Variants in ANKS4B observed in about 807,000 individuals in gnomAD.
The protein encoded by ANKS4B is ankyrin repeat and SAM domain-containing protein 4B.
A neutral mutation model predicts 20.2 loss-of-function variants in ANKS4B; 21 were observed. That is an observed-to-expected ratio of 1.04 (90% CI 0.74 to 1.50). ANKS4B has a LOEUF of 1.50. Ranked by LOEUF, ANKS4B falls within the 40% of genes most tolerant of loss-of-function variation. The probability of loss-of-function intolerance (pLI) is 0.00; values close to 1 mark genes in which losing one functional copy is unlikely to be tolerated. For synonymous variants in ANKS4B, 179 were observed against 194.5 expected (o/e 0.92, Z 0.66); for missense variants, 473 against 494.6 (o/e 0.96, Z 0.41).
At chr16:21,249,536 T>C (rs1347082507) in intron 1 of ANKS4B, among the ~76,000 whole-genome samples, 195 bp from the exon 2 acceptor site, 2 of 152,174 alleles carry the variant, frequency 1.3e-5, no homozygotes, top group Non-Finnish European at 2.9e-5. Context: ...GCTCTGTTTC[T>C]GGCCATGTGG....
Position 21,233,832 on chromosome 16 carries a change from G to T in ANKS4B, c.95G>T (p.Gly32Val). 3.7e-6 allele frequency: 6 copies of T among 1,613,938 alleles called. No individual in the cohort carries two copies. The highest frequency in any genetic ancestry group is 5.1e-6 in the Non-Finnish European group (6 of 1,179,910). ...GATCTAAATCTTTCGGATGAAGACG[G>T]CATGACTCCTACTCTCTTGGCAGCC... ...KRDLNLSDED[G>V]MTPTLLAAYH... is the part of the protein sequence containing the mutation. The change falls in exon 1 of 2, where the codon GGC becomes GTC. Residue 32 changes from glycine to valine, a missense_variant. Transcript: ENST00000311620.
intron 1 of ANKS4B, among the ~76,000 whole-genome samples, chr16:21,236,707 A>G (rs955792878): frequency 6.6e-6 from 1 of 151,874 alleles, no homozygotes; most frequent in African/African-American, 2.4e-5. Context: ...CACAGCACTC[A>G]GCCTGGTTCT....
intron 1 of ANKS4B, among the ~76,000 whole-genome samples, chr16:21,239,550 C>T (rs553271485): frequency 6.6e-6 from 1 of 152,324 alleles, no homozygotes; most frequent in East Asian, 1.9e-4. Flanking sequence ...CACTGCACTC[C>T]AGCCTGGGGA....
chr16:21,252,696 G>A lies in ANKS4B; in HGVS notation c.*1876G>A, dbSNP rs1384820776. On this transcript the variant is annotated 3_prime_UTR_variant, in exon 2 of 2. Transcript: ENST00000311620. ...ACACATGGTTTATTTACTGTTGTCT[G>A]TCACCATTGCCGCATATCTGAATAT... is the stretch of plus-strand genomic sequence containing the variant. 1 of 152,192 alleles carries A rather than the reference G, an allele frequency of 6.6e-6. No individual in the cohort carries two copies. Among genetic ancestry groups the A allele is most frequent in the East Asian group, 1.9e-4 (1 of 5,202 alleles). 9.4% of individuals were successfully genotyped at this position (152,192 alleles called of 1,614,324 possible). A position where few individuals can be genotyped will look rare whatever the true frequency, so the allele number is the denominator to read the frequency against.
At position 21,252,395 on chromosome 16, in the gene ANKS4B, G is replaced by C. The variant is rs1347767244; in HGVS notation, c.*1575G>C. 6.6e-6 allele frequency: 1 copy of C among 152,404 alleles called. No individual in the cohort carries two copies. The highest frequency in any genetic ancestry group is 1.9e-4 in the East Asian group (1 of 5,190). 9.4% of individuals were successfully genotyped at this position (152,404 alleles called of 1,614,324 possible). On this transcript the variant is annotated 3_prime_UTR_variant, in exon 2 of 2. Coordinates refer to ENST00000311620, the MANE Select transcript of ANKS4B (RefSeq NM_145865.3). ...TGATCTTGGGCTTTCAGCCCCCAAA[G>C]GTGTGAGAAAATAAACTTCGGTTGA...
rs375557350 is a variant in ANKS4B at position 21,240,025 on chromosome 16, T to C, written c.164+6124T>C. 1.3e-4 allele frequency among the ~76,000 whole-genome samples: 20 copies of C among 152,338 alleles called. No homozygotes were observed. The East Asian group carries it at 2.7e-3, about 21-fold the overall frequency. ...TCAACTATTGAAATACTGAAGTCCA[T>C]TTCAGTCTGATGATTTAAGAGTTTA... On this transcript the variant is annotated intron_variant, in intron 1 of 1. Transcript: ENST00000311620.
rs544582861 is a variant in ANKS4B, at chr16:21,242,306, C to G, written c.165-7425C>G. 2.0e-5 allele frequency among the ~76,000 whole-genome samples: 3 copies of G among 152,228 alleles called. No homozygotes were observed. The East Asian group carries it at 5.8e-4, about 29-fold the overall frequency. ...GATTCAAGCAATTCTCCTGCCTCAG[C>G]CCTCCCAAGTAGCTGGGACTACAGG... On this transcript the variant is annotated intron_variant, in intron 1 of 1. Coordinates refer to ENST00000311620, the MANE Select transcript of ANKS4B (RefSeq NM_145865.3).
At chr16:21,246,780 T>A (rs2093332855) in intron 1 of ANKS4B, among the ~76,000 whole-genome samples, 1 of 152,226 alleles carries the variant, frequency 6.6e-6, no homozygotes, top group Non-Finnish European at 1.5e-5. Context: ...CTTATTTTAT[T>A]CCTGCAGTAA....
intron 1 of ANKS4B, among the ~76,000 whole-genome samples, chr16:21,234,887 T>C (rs2093318359): frequency 6.6e-6 from 1 of 152,094 alleles, no homozygotes; most frequent in African/African-American, 2.4e-5. Flanking sequence ...TCTCACTCTG[T>C]CACTCAGGCT....
At position 21,249,810 on chromosome 16, in the gene ANKS4B, T is replaced by G. The variant is rs781159145; in HGVS notation, c.244T>G (p.Ser82Ala). ...CTCCAATGGCCATGCCCACTGCGTC[T>G]CATTCCTGGTCAACTTTGGTGCCAA... ...AASNGHAHCV[S>A]FLVNFGANIF... The change falls in exon 2 of 2, where the codon TCA becomes GCA. Residue 82 changes from serine to alanine, a missense_variant. Coordinates refer to ENST00000311620, the MANE Select transcript of ANKS4B (RefSeq NM_145865.3). The G allele has an allele frequency of 1.1e-5, 18 of 1,614,078 alleles. No individual in the cohort carries two copies. In the African/African-American group the frequency reaches 2.0e-4, roughly 18 times the overall value.
intron 1 of ANKS4B, among the ~76,000 whole-genome samples, chr16:21,247,701 A>T (rs1457569956): frequency 6.6e-6 from 1 of 152,164 alleles, no homozygotes; most frequent in Admixed American, 6.5e-5. Flanking sequence ...TCGACTTTTT[A>T]TCTGTTCCTG....
At chr16:21,235,588 A>G (rs527582863) in intron 1 of ANKS4B, among the ~76,000 whole-genome samples, 1 of 152,298 alleles carries the variant, frequency 6.6e-6, no homozygotes, top group East Asian at 1.9e-4. Flanking sequence ...GGACTAGGGT[A>G]GTGACATTGG....
At position 21,250,694 on chromosome 16, in the gene ANKS4B, C is replaced by G; in HGVS notation, c.1128C>G (p.Leu376=). 4 of 1,613,584 alleles carry G rather than the reference C, an allele frequency of 2.5e-6. No homozygotes were observed. Among genetic ancestry groups the G allele is most frequent in the East Asian group, 2.2e-5 (1 of 44,858 alleles). ...AGATTGATCTAGAAGCTCTGCTGCT[C>G]TGCTCTGATGAGGACCTTCAGAGCA... is the stretch of plus-strand genomic sequence containing the variant. ...REQIDLEALL[L]CSDEDLQSIQ... The change falls in exon 2 of 2, where the codon CTC becomes CTG. Residue 376 remains leucine, a synonymous_variant. Transcript: ENST00000311620.
In ANKS4B at chr16:21,250,464, A is replaced by C; in HGVS notation, c.898A>C (p.Ser300Arg). 1 of 1,614,176 alleles carries C rather than the reference A, an allele frequency of 6.2e-7. No individual in the cohort carries two copies. Among genetic ancestry groups the C allele is most frequent in the Non-Finnish European group, 8.5e-7 (1 of 1,180,018 alleles). Residue 300 changes from serine (S) to arginine (R), a missense_variant, in exon 2 of 2, where the codon AGT becomes CGT. Physicochemically the swap from Ser to Arg is moderately radical, Grantham distance 110 (BLOSUM62 -1). Transcript: ENST00000311620. ...GAGAGAGTTTGGTTTTAAACTGCCCAGTGAATTGCTTCAAAGACAAGGAGC... is the reference window on the plus strand; with the variant it reads ...GAGAGAGTTTGGTTTTAAACTGCCCCGTGAATTGCTTCAAAGACAAGGAGC... Reference protein sequence around the residue: ...SKREFGFKLPSELLQRQGASE... With the variant: ...SKREFGFKLPRELLQRQGASE...
In ANKS4B at chr16:21,250,320, T is replaced by C. The variant is rs1567227727; in HGVS notation, c.754T>C (p.Leu252=). 1.1e-5 allele frequency: 17 copies of C among 1,614,146 alleles called. No individual in the cohort carries two copies. The highest frequency in any genetic ancestry group is 1.4e-5 in the Non-Finnish European group (16 of 1,180,038). ...FSGDFKEKLQ[L]SAEEDGSVHH... is the part of the protein sequence containing the mutation. ...AGGGGACTTCAAAGAGAAGCTCCAG[T>C]TGTCAGCAGAGGAGGACGGCAGTGT... Residue 252 remains leucine, a synonymous_variant, in exon 2 of 2, where the codon TTG becomes CTG. Transcript: ENST00000311620.
At chr16:21,243,113 T>G (rs1427887516) in intron 1 of ANKS4B, among the ~76,000 whole-genome samples, 6 of 152,148 alleles carry the variant, frequency 3.9e-5, no homozygotes, top group Non-Finnish European at 7.4e-5. Flanking sequence ...AGTTGAGAAC[T>G]TCACAAAAAA....
chr16:21,237,316 T>G (rs1178665370), intron 1 of ANKS4B, among the ~76,000 whole-genome samples: 1 of 152,194 alleles, frequency 6.6e-6, no homozygotes, highest in African/African-American at 2.4e-5. Flanking sequence ...CCACCGGGCC[T>G]GGCCACATTT....
At chr16:21,234,483 TACACACAC>T (rs34242527) in intron 1 of ANKS4B, among the ~76,000 whole-genome samples, 2,823 of 124,708 alleles carry the variant, frequency 0.023, 90 homozygotes, top group African/African-American at 0.08. Context: ...AGTGGATAGA[TACACACAC>T]ACACACACAC....
At position 21,250,709 on chromosome 16, in the gene ANKS4B, C is replaced by T; in HGVS notation, c.1143C>T (p.Asp381=). 1 of 1,611,406 alleles carries T rather than the reference C, an allele frequency of 6.2e-7. No individual in the cohort carries two copies. The highest frequency in any genetic ancestry group is 8.5e-7 in the Non-Finnish European group (1 of 1,177,710). Residue 381 remains aspartate (D), a synonymous_variant, in exon 2 of 2, where the codon GAC becomes GAT. Coordinates refer to ENST00000311620, the MANE Select transcript of ANKS4B (RefSeq NM_145865.3). ...LEALLLCSDE[D]LQSIQMQLGP... ...CTCTGCTGCTCTGCTCTGATGAGGACCTTCAGAGCATACAAATGCAGCTGG... is the reference window on the plus strand; with the variant it reads ...CTCTGCTGCTCTGCTCTGATGAGGATCTTCAGAGCATACAAATGCAGCTGG...
Sources: allele counts gnomAD v4.1 joint callset (sites outside exome capture counted in the v4.1 genomes callset), GRCh38; gene constraint gnomAD v4.1.1; transcripts MANE v1.5; gene names NCBI Gene and HGNC (gene_info 2026-07-23, HGNC 2026-07-21).